Variants in APAF1 observed in about 807,000 individuals in gnomAD.
APAF1 encodes apoptotic peptidase activating factor 1, also known as apoptotic protease-activating factor 1.
In APAF1, 91 loss-of-function variants were observed where a neutral mutation model predicts 152.4. The ratio of observed to expected loss-of-function variants is 0.60; its 90% CI spans 0.50 to 0.71. The LOEUF is 0.71. APAF1 is among the 30% of genes least tolerant of loss of function. The pLI is 0.00. For missense variants in APAF1, 1,283 were observed against 1,472.0 expected (o/e 0.87, Z 2.10); for synonymous variants, 484 against 494.1 (o/e 0.98, Z 0.27).
chr12:98,672,817 C>T (rs113828905), intron 12 of APAF1, among the ~76,000 whole-genome samples: 4,652 of 151,698 alleles, frequency 0.031, 233 homozygotes, highest in African/African-American at 0.1. Flanking sequence ...TGCAATGGCA[C>T]GATCTCCGCT....
At chr12:98,668,900 A>G (rs2288732) in intron 10 of APAF1, among the ~76,000 whole-genome samples, 137,156 of 152,228 alleles carry the variant, frequency 0.9, 61,866 homozygotes, top group African/African-American at 0.94. Flanking sequence ...GATGAAAATA[A>G]GGAATTATTA....
At chr12:98,671,476 G>C in intron 11 of APAF1, 59 bp from the exon 12 acceptor site, 2 of 1,534,916 alleles carry the variant, frequency 1.3e-6, no homozygotes, top group Non-Finnish European at 1.8e-6. Flanking sequence ...TCACAGAAAT[G>C]GAAAAATGTC....
intron 16 of APAF1, among the ~76,000 whole-genome samples, chr12:98,698,137 A>G (rs1178675824): frequency 6.6e-6 from 1 of 152,194 alleles, no homozygotes; most frequent in African/African-American, 2.4e-5. Context: ...ATCAAGTTGG[A>G]TTGTGCTACT....
chr12:98,664,417 TA>T (rs1198355980), intron 7 of APAF1, among the ~76,000 whole-genome samples: 15 of 148,758 alleles, frequency 1.0e-4, no homozygotes, highest in African/African-American at 1.5e-4. Context: ...TGTGTGAAAC[TA>T]AAAAAAAAAT....
At chr12:98,653,719 T>TAGATATAG (rs1555213974) in intron 4 of APAF1, among the ~76,000 whole-genome samples, 4 of 108,226 alleles carry the variant, frequency 3.7e-5, no homozygotes, top group African/African-American at 1.1e-4. Flanking sequence ...TATATATATA[T>TAGATATAG]ATATAGTTTT....
rs748915330 is a variant in APAF1, at chr12:98,727,240, C to T, written c.3524C>T (p.Thr1175Ile). Residue 1175 changes from threonine (T) to isoleucine (I), a missense_variant, in exon 26 of 27, where the codon ACC (threonine) becomes ATC (isoleucine). Coordinates refer to ENST00000551964, the MANE Select transcript of APAF1 (RefSeq NM_181861.2). ...CAPLSEEGAA[T>I]HGGWVTDLCF... is the part of the protein sequence containing the mutation. ...CCGCTTTCAGAAGAAGGAGCTGCTACCCATGGAGGCTGGGTGACTGACCTT... is the reference window on the plus strand; with the variant it reads ...CCGCTTTCAGAAGAAGGAGCTGCTATCCATGGAGGCTGGGTGACTGACCTT... 7.4e-6 allele frequency: 12 copies of T among 1,613,978 alleles called. No homozygotes were observed.
intron 21 of APAF1, among the ~76,000 whole-genome samples, 192 bp from the exon 22 acceptor site, chr12:98,715,235 C>CGCAT (rs1491347587): frequency 1.8e-5 from 1 of 54,774 alleles, no homozygotes; most frequent in African/African-American, 7.1e-5. Flanking sequence ...ACATGGTGTG[C>CGCAT]ATATATATAT....
chr12:98,658,992 A>G (rs1216832576), intron 4 of APAF1, among the ~76,000 whole-genome samples, 168 bp from the exon 5 acceptor site: 1 of 152,214 alleles, frequency 6.6e-6, no homozygotes, highest in Non-Finnish European at 1.5e-5. Context: ...TAGATTCAGG[A>G]TATAAAGCCT....
chr12:98,655,364 G>T (rs2097655552), intron 4 of APAF1, among the ~76,000 whole-genome samples: 1 of 151,254 alleles, frequency 6.6e-6, no homozygotes, highest in African/African-American at 2.4e-5. Flanking sequence ...CAGACGGGGT[G>T]GTGGCCGGGC....
chr12:98,681,557 T>C (rs1272813871), intron 14 of APAF1, among the ~76,000 whole-genome samples: 2 of 151,974 alleles, frequency 1.3e-5, no homozygotes, highest in African/African-American at 4.8e-5. Context: ...CTAGGTGGAG[T>C]GGGCAAGAAA....
At chr12:98,670,501 T>C (rs2097678850) in intron 10 of APAF1, among the ~76,000 whole-genome samples, 1 of 152,132 alleles carries the variant, frequency 6.6e-6, no homozygotes, top group South Asian at 2.1e-4. Context: ...ATTGAAGCCC[T>C]GATCTATCAT....
intron 17 of APAF1, among the ~76,000 whole-genome samples, chr12:98,700,328 T>G (rs12426636): frequency 0.025 from 3,828 of 152,302 alleles, 263 homozygotes; most frequent in Admixed American, 0.16. Flanking sequence ...TACATTCTCA[T>G]CTAATAGTGA....
At chr12:98,674,800 A>C (rs1488859502) in intron 12 of APAF1, among the ~76,000 whole-genome samples, 1 of 152,224 alleles carries the variant, frequency 6.6e-6, no homozygotes, top group Non-Finnish European at 1.5e-5. Context: ...ACGTATAGAC[A>C]TACATATAGT....
chr12:98,646,994 T>G (rs184564621), intron 1 of APAF1, among the ~76,000 whole-genome samples: 1 of 150,404 alleles, frequency 6.6e-6, no homozygotes, highest in African/African-American at 2.4e-5. Context: ...CTATTCACTC[T>G]TATGTTTGAT....
In APAF1 at chr12:98,667,722, G is replaced by A; in HGVS notation, c.1494+78G>A. ...TATTACAAATAAGTGCTTTTTTTCTGTTATTTTTTGTCTTGAATTTTGTTC... is the reference window on the plus strand; with the variant it reads ...TATTACAAATAAGTGCTTTTTTTCTATTATTTTTTGTCTTGAATTTTGTTC... On this transcript the variant is annotated intron_variant, in intron 10 of 26. Coordinates refer to ENST00000551964, the MANE Select transcript of APAF1 (RefSeq NM_181861.2). 6 of 984,184 alleles carry A rather than the reference G, an allele frequency of 6.1e-6. No homozygotes were observed. In the South Asian group the frequency reaches 1.1e-4, roughly 17 times the overall value. 61.0% of individuals were successfully genotyped at this position (984,184 alleles called of 1,614,324 possible).
At chr12:98,654,717 A>G (rs1244249910) in intron 4 of APAF1, among the ~76,000 whole-genome samples, 3 of 152,040 alleles carry the variant, frequency 2.0e-5, no homozygotes, top group Admixed American at 6.5e-5. Flanking sequence ...GATTTTTACA[A>G]ATTTTAGGTA....
chr12:98,651,270 C>T (rs964366395), intron 4 of APAF1, among the ~76,000 whole-genome samples: 1 of 152,084 alleles, frequency 6.6e-6, no homozygotes, highest in African/African-American at 2.4e-5. Context: ...TCAAAATTTC[C>T]TATTCTTATT....
intron 16 of APAF1, 61 bp from the exon 17 acceptor site, chr12:98,699,346 AT>A (rs2097712843): frequency 2.6e-5 from 40 of 1,527,708 alleles, no homozygotes; most frequent in Non-Finnish European, 3.5e-5. Flanking sequence ...TTTAGGAAAA[AT>A]TCTAGAAGTG....
At position 98,658,147 on chromosome 12, in the gene APAF1, G is replaced by A. The variant is rs540987840; in HGVS notation, c.527-1013G>A. 1.9e-4 allele frequency among the ~76,000 whole-genome samples: 29 copies of A among 152,034 alleles called. No individual in the cohort carries two copies. In the East Asian group the frequency reaches 5.2e-3, roughly 27 times the overall value. On this transcript the variant is annotated intron_variant, in intron 4 of 26. Transcript: ENST00000551964. ...GCTACTGGAATGATCTAATGCTACT[G>A]TTTACCATATTTTACACATAGGGAC...
Sources: allele counts gnomAD v4.1 joint callset (sites outside exome capture counted in the v4.1 genomes callset), GRCh38; gene constraint gnomAD v4.1.1; transcripts MANE v1.5; gene names NCBI Gene and HGNC (gene_info 2026-07-23, HGNC 2026-07-21).